The following PTPRT variants were observed in gnomAD, a reference collection of about 807,000 sequenced individuals.
PTPRT encodes protein tyrosine phosphatase receptor type T.
PTPRT carries 56 observed loss-of-function variants against 176.8 expected under a neutral mutation model. The observed-to-expected ratio is 0.32, with a 90% CI of 0.26 to 0.40. The LOEUF is 0.40. PTPRT is among the 10% of genes least tolerant of loss of function. The pLI, the probability that PTPRT is intolerant of heterozygous loss-of-function variation, is 1.00. For missense variants in PTPRT, 1,540 were observed against 1,908.2 expected (o/e 0.81, Z 3.60); for synonymous variants, 783 against 739.0 (o/e 1.06, Z -0.96).
intron 2 of PTPRT, among the ~76,000 whole-genome samples, chr20:42,863,280 G>C (rs964394469): frequency 1.3e-5 from 2 of 152,196 alleles, no homozygotes; most frequent in Non-Finnish European, 2.9e-5. Flanking sequence ...AGTGCCTACA[G>C]CAGCTGTGAC....
At chr20:42,045,449 T>G in the PTPRT span, among the ~76,000 whole-genome samples, 1 of 150,972 alleles carries the variant, frequency 6.6e-6, no homozygotes, top group African/African-American at 2.4e-5. Flanking sequence ...AATCGAAGTT[T>G]GCATCCTAGA....
intron 2 of PTPRT, among the ~76,000 whole-genome samples, chr20:42,882,474 C>A (rs2079024828): frequency 6.6e-6 from 1 of 152,150 alleles, no homozygotes; most frequent in Non-Finnish European, 1.5e-5. Context: ...AAAAGACACA[C>A]TTTTACTCAG....
chr20:42,765,216 T>G (rs1163933850), intron 5 of PTPRT, among the ~76,000 whole-genome samples: 1 of 152,226 alleles, frequency 6.6e-6, no homozygotes, highest in Non-Finnish European at 1.5e-5. Context: ...CCTCGTGGAT[T>G]GAATCCTTTG....
chr20:42,154,785 G>A (rs1169693364), intron 17 of PTPRT, among the ~76,000 whole-genome samples: 1 of 152,180 alleles, frequency 6.6e-6, no homozygotes, highest in Non-Finnish European at 1.5e-5. Flanking sequence ...CGGCTCTCCA[G>A]CCCACATCTC....
At chr20:42,925,325 T>A (rs1427641546) in intron 1 of PTPRT, among the ~76,000 whole-genome samples, 1 of 152,136 alleles carries the variant, frequency 6.6e-6, no homozygotes, top group Non-Finnish European at 1.5e-5. Context: ...ATAATGAGGC[T>A]AAAAACAAAA....
intron 5 of PTPRT, among the ~76,000 whole-genome samples, chr20:42,764,531 G>T (rs1277210386): frequency 6.6e-6 from 1 of 152,124 alleles, no homozygotes; most frequent in African/African-American, 2.4e-5. Flanking sequence ...AGAAGGAAAG[G>T]CTGGAGTGTA....
chr20:42,289,640 G>C (rs2057287473), intron 12 of PTPRT, among the ~76,000 whole-genome samples: 1 of 152,052 alleles, frequency 6.6e-6, no homozygotes, highest in Admixed American at 6.6e-5. Context: ...ATGTTGGCAA[G>C]GTTGCAGAGA....
intron 5 of PTPRT, among the ~76,000 whole-genome samples, chr20:42,762,190 T>C (rs1014376204): frequency 1.6e-4 from 24 of 152,348 alleles, no homozygotes; most frequent in African/African-American, 5.3e-4. Flanking sequence ...TATTAAGTTA[T>C]GGCATACCTG....
chr20:42,065,529 C>A, the PTPRT span, among the ~76,000 whole-genome samples: 1 of 152,196 alleles, frequency 6.6e-6, no homozygotes, highest in Non-Finnish European at 1.5e-5. Context: ...TAACTATACT[C>A]CGTGTGGTGA....
At chr20:42,791,143 G>C in intron 3 of PTPRT, 52 bp downstream of exon 3, 1 of 1,528,582 alleles carries the variant, frequency 6.5e-7, no homozygotes, top group Admixed American at 2.1e-5. Context: ...GAGCAAAGGT[G>C]TATAGATTTA....
intron 12 of PTPRT, among the ~76,000 whole-genome samples, chr20:42,303,105 C>T (rs568531146): frequency 6.6e-6 from 1 of 152,278 alleles, no homozygotes; most frequent in African/African-American, 2.4e-5. Flanking sequence ...CTGGCAACCC[C>T]CTGGTTTAAA....
rs373763019 is a variant in PTPRT, at chr20:42,203,114, T to A, written c.2343-3726A>T. On this transcript the variant is annotated intron_variant, in intron 15 of 30. Coordinates refer to ENST00000373187, the MANE Select transcript of PTPRT (RefSeq NM_007050.6). The stretch of plus-strand genomic sequence containing the variant: ...AATGTTATATAATCATTTTAATGTA[T>A]GGATAGATGTTATGGCAATTGGCAA... Among the ~76,000 whole-genome samples the A allele has an allele frequency of 1.1e-4, 16 of 152,300 alleles. No individual in the cohort carries two copies. The South Asian group carries it at 3.1e-3, about 30-fold the overall frequency.
At chr20:42,455,526 T>A (rs2070907713) in intron 8 of PTPRT, among the ~76,000 whole-genome samples, 1 of 152,182 alleles carries the variant, frequency 6.6e-6, no homozygotes, top group African/African-American at 2.4e-5. Context: ...ACTTTCTCTA[T>A]CCTGAAGTCA....
At chr20:42,221,452 T>C (rs1476056029) in intron 15 of PTPRT, among the ~76,000 whole-genome samples, 1 of 151,914 alleles carries the variant, frequency 6.6e-6, no homozygotes, top group Admixed American at 6.6e-5. Flanking sequence ...AAACTTACAA[T>C]CATGACAGAA....
intron 1 of PTPRT, among the ~76,000 whole-genome samples, chr20:43,140,443 AGT>A (rs6147356): frequency 2.9e-3 from 425 of 146,930 alleles, no homozygotes; most frequent in African/African-American, 0.01. Flanking sequence ...ACCTCTGGGT[AGT>A]GTGTGTGTGT....
At chr20:42,494,216 G>T (rs1162484238) in intron 7 of PTPRT, among the ~76,000 whole-genome samples, 3 of 151,992 alleles carry the variant, frequency 2.0e-5, no homozygotes, top group African/African-American at 4.8e-5. Context: ...TGCATCTTTT[G>T]TTCTTGGAAA....
At chr20:42,719,672 AGGT>A (rs1321668191) in intron 6 of PTPRT, among the ~76,000 whole-genome samples, 1 of 152,212 alleles carries the variant, frequency 6.6e-6, no homozygotes, top group Non-Finnish European at 1.5e-5. Flanking sequence ...AAATAGTGAA[AGGT>A]CTATGGTCAT....
At chr20:42,260,241 C>A (rs904566151) in intron 13 of PTPRT, among the ~76,000 whole-genome samples, 5 of 152,208 alleles carry the variant, frequency 3.3e-5, no homozygotes, top group Non-Finnish European at 7.3e-5. Flanking sequence ...CACTCAGTGG[C>A]CTTCTCTTTT....
intron 9 of PTPRT, among the ~76,000 whole-genome samples, chr20:42,439,294 A>G (rs759798071): frequency 6.6e-6 from 1 of 152,204 alleles, no homozygotes; most frequent in African/African-American, 2.4e-5. Context: ...AAAAAAAACC[A>G]CAACAGGACT....
Sources: allele counts gnomAD v4.1 joint callset (sites outside exome capture counted in the v4.1 genomes callset), GRCh38; gene constraint gnomAD v4.1.1; transcripts MANE v1.5; gene names NCBI Gene and HGNC (gene_info 2026-07-23, HGNC 2026-07-21).